Variants in DLGAP2 observed in about 807,000 individuals in gnomAD.
The protein encoded by DLGAP2 is DLG associated protein 2, also known as disks large-associated protein 2.
DLGAP2 carries 26 observed loss-of-function variants against 100.3 expected under a neutral mutation model. The ratio of observed to expected loss-of-function variants is 0.26; its 90% CI spans 0.19 to 0.36. The LOEUF (loss-of-function observed/expected upper bound fraction) is 0.36. DLGAP2 is among the 10% of genes least tolerant of loss of function. DLGAP2 has a pLI of 1.00. For synonymous variants in DLGAP2, 886 were observed against 630.1 expected, an observed-to-expected ratio of 1.41 and a Z score of -6.08; for missense variants, 1,858 against 1,453.2, an observed-to-expected ratio of 1.28 and a Z score of -4.53.
intron 2 of DLGAP2, among the ~76,000 whole-genome samples, chr8:1,244,142 T>C (rs1798857659): frequency 6.6e-6 from 1 of 152,210 alleles, no homozygotes; most frequent in African/African-American, 2.4e-5. Flanking sequence ...AGGTGTGGGC[T>C]CCTGTACATG....
chr8:1,277,767 G>A (rs1799733656), intron 3 of DLGAP2, among the ~76,000 whole-genome samples: 1 of 152,264 alleles, frequency 6.6e-6, no homozygotes, highest in Admixed American at 6.5e-5. Context: ...CCCTTGGCAG[G>A]GCCGGCTTGC....
At chr8:1,571,936 G>C (rs1250182513) in intron 6 of DLGAP2, among the ~76,000 whole-genome samples, 1 of 142,324 alleles carries the variant, frequency 7.0e-6, no homozygotes, top group African/African-American at 2.7e-5. Context: ...GGCGTCTGCT[G>C]GGATGGAGAG....
At chr8:1,155,808 C>T (rs1406381781) in intron 2 of DLGAP2, among the ~76,000 whole-genome samples, 1 of 152,166 alleles carries the variant, frequency 6.6e-6, no homozygotes, top group African/African-American at 2.4e-5. Flanking sequence ...TGCAGGCATT[C>T]GTGGAATGAA....
chr8:1,073,422 C>A (rs1262084587), intron 2 of DLGAP2, among the ~76,000 whole-genome samples: 1 of 151,998 alleles, frequency 6.6e-6, no homozygotes, highest in East Asian at 1.9e-4. Flanking sequence ...TATGATAGAA[C>A]TATTTTTGTA....
At chr8:1,304,014 G>A (rs1036007304) in intron 3 of DLGAP2, among the ~76,000 whole-genome samples, 3 of 152,226 alleles carry the variant, frequency 2.0e-5, no homozygotes, top group African/African-American at 7.2e-5. Context: ...AGGCTGCTTA[G>A]CCACTCAGCC....
intron 3 of DLGAP2, among the ~76,000 whole-genome samples, chr8:1,259,398 C>T (rs1799299267): frequency 6.6e-6 from 1 of 152,208 alleles, no homozygotes. Flanking sequence ...GCCCCTGAGT[C>T]TGTCATTTGT....
chr8:1,482,190 T>G (rs1269317839), intron 3 of DLGAP2, among the ~76,000 whole-genome samples: 1 of 152,232 alleles, frequency 6.6e-6, no homozygotes, highest in East Asian at 1.9e-4. Flanking sequence ...TGAGAACGTG[T>G]GGGTTTTAAG....
intron 3 of DLGAP2, among the ~76,000 whole-genome samples, chr8:1,311,608 A>T (rs867515225): frequency 2.6e-5 from 4 of 152,220 alleles, no homozygotes; most frequent in African/African-American, 9.6e-5. Context: ...CCAGGAATGT[A>T]AAAGTGGTTC....
At position 1,563,943 on chromosome 8, in the gene DLGAP2, A is replaced by G. The variant is rs1802285797; in HGVS notation, c.1231-1740A>G. Among the ~76,000 whole-genome samples the G allele has an allele frequency of 1.3e-5, 2 of 152,328 alleles. 1 individual carries two copies. Among genetic ancestry groups the G allele is most frequent in the Middle Eastern group, 6.8e-3 (2 of 294 alleles). On this transcript the variant is annotated intron_variant, in intron 5 of 14. Coordinates refer to ENST00000637795, the MANE Select transcript of DLGAP2 (RefSeq NM_001346810.2). Reference sequence around the variant, plus strand: ...CTAAGTATTTTACAGCAAGGAAAAAAAATACCCTGTCTGAAGACCTTTTAA... The same window carrying G: ...CTAAGTATTTTACAGCAAGGAAAAAGAATACCCTGTCTGAAGACCTTTTAA...
At chr8:890,030 G>T (rs1451947569) in intron 1 of DLGAP2, among the ~76,000 whole-genome samples, 1 of 152,018 alleles carries the variant, frequency 6.6e-6, no homozygotes, top group Non-Finnish European at 1.5e-5. Flanking sequence ...TTTCTCGGGT[G>T]GCCCCCTCAC....
intron 2 of DLGAP2, among the ~76,000 whole-genome samples, chr8:1,197,952 T>C (rs1406133320): frequency 6.6e-6 from 1 of 152,160 alleles, no homozygotes; most frequent in Admixed American, 6.5e-5. Flanking sequence ...TGTGCATCTG[T>C]CCTCACCCTT....
chr8:1,040,983 C>G (rs530055898), intron 2 of DLGAP2, among the ~76,000 whole-genome samples: 1 of 152,194 alleles, frequency 6.6e-6, no homozygotes, highest in Admixed American at 6.5e-5. Context: ...CCAGAAACAA[C>G]ATACATAGGA....
intron 3 of DLGAP2, among the ~76,000 whole-genome samples, chr8:1,460,499 C>T (rs990600619): frequency 1.3e-5 from 2 of 152,176 alleles, no homozygotes; most frequent in Non-Finnish European, 2.9e-5. Flanking sequence ...GCCTCTCCTT[C>T]CCCTCTGTCA....
At chr8:1,184,666 G>A (rs1485419865) in intron 2 of DLGAP2, among the ~76,000 whole-genome samples, 2 of 152,190 alleles carry the variant, frequency 1.3e-5, no homozygotes, top group Non-Finnish European at 2.9e-5. Flanking sequence ...CACCCTCGGA[G>A]TTTGCGGGAA....
In DLGAP2 at chr8:1,669,769, A is replaced by T. The variant is rs775220630; in HGVS notation, c.2187A>T (p.Pro729=). 1.3e-6 allele frequency: 1 copy of T among 780,812 alleles called. No homozygotes were observed. The highest frequency in any genetic ancestry group is 1.7e-5 in the African/African-American group (1 of 59,156). The allele number at this position is 780,812 out of a possible 1,614,324, so 48.4% of individuals were successfully genotyped here. A position where few individuals can be genotyped will look rare whatever the true frequency, so the allele number is the denominator to read the frequency against. ...IQDSEFPEHQ[P]YPRSDVETAT... ...ATTCTGAATTCCCAGAGCATCAGCC[A>T]TACCCAAGGTCAGATGTAAGTACCG... is the stretch of plus-strand genomic sequence containing the variant. The change falls in exon 10 of 15, where the codon CCA becomes CCT. Residue 729 remains proline (P), a synonymous_variant. Transcript: ENST00000637795.
intron 8 of DLGAP2, among the ~76,000 whole-genome samples, chr8:1,665,509 TG>T (rs1346211643): frequency 2.0e-5 from 3 of 150,952 alleles, no homozygotes; most frequent in African/African-American, 7.5e-5. Flanking sequence ...ATCACCTTTC[TG>T]CTCATCTCAA....
chr8:1,365,909 G>A (rs1802098147), intron 3 of DLGAP2, among the ~76,000 whole-genome samples: 1 of 152,244 alleles, frequency 6.6e-6, no homozygotes, highest in Non-Finnish European at 1.5e-5. Context: ...AGGAAAAACA[G>A]GTGATGGCAG....
At chr8:797,346 C>T (rs1039954075) in intron 1 of DLGAP2, among the ~76,000 whole-genome samples, 1 of 152,162 alleles carries the variant, frequency 6.6e-6, no homozygotes, top group Non-Finnish European at 1.5e-5. Flanking sequence ...CTCAATGTAG[C>T]GTTTTTGAGA....
At chr8:1,213,982 C>T (rs985859820) in intron 2 of DLGAP2, among the ~76,000 whole-genome samples, 5 of 151,896 alleles carry the variant, frequency 3.3e-5, no homozygotes, top group Admixed American at 2.6e-4. Flanking sequence ...TCAGAGGCCG[C>T]CTCTGCCCTA....
Sources: allele counts gnomAD v4.1 joint callset (sites outside exome capture counted in the v4.1 genomes callset), GRCh38; gene constraint gnomAD v4.1.1; transcripts MANE v1.5; gene names NCBI Gene and HGNC (gene_info 2026-07-23, HGNC 2026-07-21).